The following USP12 variants were observed in gnomAD, a reference collection of about 807,000 sequenced individuals.
USP12 encodes the protein ubiquitin specific peptidase 12.
In USP12, 19 loss-of-function variants were observed where a neutral mutation model predicts 45.5. The ratio of observed to expected loss-of-function variants is 0.42; its 90% CI spans 0.29 to 0.61. USP12 has a LOEUF of 0.61. Ranked by LOEUF, USP12 falls within the 20% of genes least tolerant of loss-of-function variation. The pLI, the probability that USP12 is intolerant of heterozygous loss-of-function variation, is 0.22. For missense variants in USP12, 242 were observed against 447.7 expected (o/e 0.54, Z 4.15); for synonymous variants, 149 against 148.8 (o/e 1.00, Z -0.01).
At chr13:27,154,506 C>T (rs1188960624) in intron 1 of USP12, among the ~76,000 whole-genome samples, 1 of 152,062 alleles carries the variant, frequency 6.6e-6, no homozygotes, top group Admixed American at 6.6e-5. Context: ...AACAGATAAC[C>T]ACGTCTTAAT....
chr13:27,114,109 A>G (rs930816217), intron 2 of USP12, among the ~76,000 whole-genome samples: 1 of 152,184 alleles, frequency 6.6e-6, no homozygotes, highest in Non-Finnish European at 1.5e-5. Flanking sequence ...CAGGAAAAGC[A>G]TATTTCACAG....
intron 6 of USP12, among the ~76,000 whole-genome samples, chr13:27,079,222 G>T (rs188253629): frequency 1.3e-5 from 2 of 150,280 alleles, no homozygotes; most frequent in Non-Finnish European, 3.0e-5. Context: ...TGTGGGGCGG[G>T]GGGGAGTGGG....
Position 27,066,534 on chromosome 13 carries a change from C to G in USP12, c.*2749G>C, listed in dbSNP as rs1285524740. 6.6e-6 allele frequency: 1 copy of G among 152,208 alleles called. No homozygotes were observed. The highest frequency in any genetic ancestry group is 1.5e-5 in the Non-Finnish European group (1 of 68,032). The allele number at this position is 152,208 out of a possible 1,614,324, so 9.4% of individuals were successfully genotyped here. A position where few individuals can be genotyped will look rare whatever the true frequency, so the allele number is the denominator to read the frequency against. ...ACCCTATACTGATGGTTAGAGGCCC[C>G]AAGACCCACATAATACAACATTTCC... On this transcript the variant is annotated 3_prime_UTR_variant, in exon 9 of 9. Transcript: ENST00000282344.
At chr13:27,144,096 C>T (rs906619574) in intron 1 of USP12, among the ~76,000 whole-genome samples, 3 of 151,940 alleles carry the variant, frequency 2.0e-5, no homozygotes, top group African/African-American at 2.4e-5. Flanking sequence ...CCCAGCCTCT[C>T]GGGAGGCTGA....
intron 6 of USP12, among the ~76,000 whole-genome samples, chr13:27,080,643 T>C (rs907451781): frequency 7.2e-5 from 11 of 152,140 alleles, no homozygotes; most frequent in African/African-American, 2.2e-4. Context: ...CACTAATCAT[T>C]GGATCCCACA....
intron 3 of USP12, among the ~76,000 whole-genome samples, chr13:27,102,424 C>T (rs188437036): frequency 6.6e-6 from 1 of 152,168 alleles, no homozygotes; most frequent in East Asian, 1.9e-4. Flanking sequence ...CAAATCAGAA[C>T]GTATCACCCA....
rs1469971137 is a variant in USP12, at chr13:27,089,966, C to T, written c.651G>A (p.Arg217=). The T allele has an allele frequency of 2.5e-6, 4 of 1,603,824 alleles. No homozygotes were observed. The highest frequency in any genetic ancestry group is 2.7e-5 in the African/African-American group (2 of 74,714). ...ACAGAGTTTCTGTGTTGCTGAAACC[C>T]CTGTGTGAAATTCAAAACAAATTTA... is the stretch of plus-strand genomic sequence containing the variant. ...EQNTSITHCL[R]GFSNTETLCS... The change falls in exon 6 of 9, where the codon AGG becomes AGA. Residue 217 remains arginine (R), a splice_region_variant and synonymous_variant. Coordinates refer to ENST00000282344, the MANE Select transcript of USP12 (RefSeq NM_182488.4).
At chr13:27,143,050 G>A (rs1401192272) in intron 1 of USP12, among the ~76,000 whole-genome samples, 3 of 149,468 alleles carry the variant, frequency 2.0e-5, no homozygotes, top group Admixed American at 6.7e-5. Context: ...CCAAGATCAC[G>A]CCACTGCACT....
intron 6 of USP12, among the ~76,000 whole-genome samples, chr13:27,087,222 G>A (rs766356733): frequency 1.4e-5 from 2 of 147,396 alleles, no homozygotes; most frequent in Non-Finnish European, 1.5e-5. Flanking sequence ...AAGGTGCACC[G>A]ACCAAATAAG....
chr13:27,079,411 G>A lies in USP12; in HGVS notation c.735-4023C>T, dbSNP rs1453219901. Reference sequence around the variant, plus strand: ...CTGTCAGTGACTGGTCAAAGACTTGGAATTTGAACCAAACTCCAGAAACTC... The same window carrying A: ...CTGTCAGTGACTGGTCAAAGACTTGAAATTTGAACCAAACTCCAGAAACTC... On this transcript the variant is annotated intron_variant, in intron 6 of 8. Transcript: ENST00000282344. Among the ~76,000 whole-genome samples, 3 of 152,128 alleles carry A rather than the reference G, an allele frequency of 2.0e-5. No homozygotes were observed. In the East Asian group the frequency reaches 5.8e-4, roughly 29 times the overall value.
At chr13:27,136,421 C>T (rs1463286138) in intron 1 of USP12, among the ~76,000 whole-genome samples, 1 of 152,146 alleles carries the variant, frequency 6.6e-6, no homozygotes, top group Non-Finnish European at 1.5e-5. Context: ...TCGCTTGAAC[C>T]GGGGAGGCGG....
chr13:27,162,010 T>G (rs576105758), intron 1 of USP12, among the ~76,000 whole-genome samples: 6 of 152,358 alleles, frequency 3.9e-5, no homozygotes, highest in African/African-American at 1.4e-4. Context: ...TTTTCAAACT[T>G]TGAAATGACT....
At chr13:27,082,232 A>C (rs1189127815) in intron 6 of USP12, among the ~76,000 whole-genome samples, 1 of 152,208 alleles carries the variant, frequency 6.6e-6, no homozygotes. Flanking sequence ...TATTTTAGCT[A>C]GACAATCTAG....
chr13:27,102,336 C>T (rs1485271571), intron 3 of USP12, among the ~76,000 whole-genome samples: 1 of 152,202 alleles, frequency 6.6e-6, no homozygotes, highest in Non-Finnish European at 1.5e-5. Context: ...CTGGGTACTG[C>T]AACAGCCTCC....
intron 4 of USP12, among the ~76,000 whole-genome samples, chr13:27,094,576 C>T (rs1162671119): frequency 1.3e-5 from 2 of 152,038 alleles, no homozygotes; most frequent in African/African-American, 2.4e-5. Context: ...CAATGAGAGG[C>T]AGATGGATAT....
At chr13:27,086,223 C>A (rs1168637383) in intron 6 of USP12, among the ~76,000 whole-genome samples, 1 of 99,598 alleles carries the variant, frequency 1.0e-5, no homozygotes, top group African/African-American at 3.5e-5. Context: ...TATATATGCG[C>A]ACATATACAT....
intron 4 of USP12, among the ~76,000 whole-genome samples, chr13:27,091,687 T>C (rs1874322455): frequency 6.6e-6 from 1 of 152,192 alleles, no homozygotes; most frequent in Admixed American, 6.5e-5. Flanking sequence ...AACATGATCA[T>C]GATCCTCCCA....
At chr13:27,147,044 C>T (rs1052818621) in intron 1 of USP12, among the ~76,000 whole-genome samples, 1 of 152,226 alleles carries the variant, frequency 6.6e-6, no homozygotes, top group Non-Finnish European at 1.5e-5. Flanking sequence ...CCAGCACCTT[C>T]AGAGAGGGCA....
rs1032663356 is a variant in USP12 at position 27,151,914 on chromosome 13, C to T, written c.48+19678G>A. Among the ~76,000 whole-genome samples the T allele has an allele frequency of 9.2e-5, 14 of 152,192 alleles. 1 individual carries two copies. The highest frequency in any genetic ancestry group is 2.6e-4 in the Admixed American group (4 of 15,280). ...CCTAAAGAGGTGCTCAACATCATTA[C>T]TCATCAGAGAAATGCAAATCAAAAC... On this transcript the variant is annotated intron_variant, in intron 1 of 8. Coordinates refer to ENST00000282344, the MANE Select transcript of USP12 (RefSeq NM_182488.4).
Sources: allele counts gnomAD v4.1 joint callset (sites outside exome capture counted in the v4.1 genomes callset), GRCh38; gene constraint gnomAD v4.1.1; transcripts MANE v1.5; gene names NCBI Gene and HGNC (gene_info 2026-07-23, HGNC 2026-07-21).